Variants in NFIB observed in about 807,000 individuals in gnomAD.
NFIB encodes the protein nuclear factor I B.
In NFIB, 11 loss-of-function variants were observed where a neutral mutation model predicts 61.5. The ratio of observed to expected loss-of-function variants is 0.18; its 90% CI spans 0.11 to 0.30. The LOEUF (loss-of-function observed/expected upper bound fraction) is 0.30. Ranked by LOEUF, NFIB falls within the 10% of genes least tolerant of loss-of-function variation. The pLI is 1.00. For missense variants in NFIB, 471 were observed against 608.9 expected, an observed-to-expected ratio of 0.77 and a Z score of 2.38; for synonymous variants, 260 against 216.5, an observed-to-expected ratio of 1.20 and a Z score of -1.76.
rs2060888270 is a variant in NFIB, at chr9:14,336,587, T to C, written c.109-29067A>G. Among the ~76,000 whole-genome samples the C allele has an allele frequency of 2.6e-5, 4 of 152,332 alleles. No homozygotes were observed. In the South Asian group the frequency reaches 8.3e-4, roughly 32 times the overall value. ...TATAATCTCACTTCTAGAGATATGC[T>C]CTGAAGCTGCGGTCCATAAGCCTTT... On this transcript the variant is annotated intron_variant, in intron 1 of 8. Coordinates refer to the NFIB transcript ENST00000380934.
chr9:14,312,769 C>T (rs562724112), intron 1 of NFIB, among the ~76,000 whole-genome samples: 1 of 152,298 alleles, frequency 6.6e-6, no homozygotes, highest in South Asian at 2.1e-4. Flanking sequence ...GCCCAAATAT[C>T]GTCAAATGAA....
chr9:14,210,743 T>G lies in NFIB; in HGVS notation c.563-30963A>C, dbSNP rs1316862812. 5.3e-5 allele frequency among the ~76,000 whole-genome samples: 8 copies of G among 152,140 alleles called. 1 individual carries two copies. The highest frequency in any genetic ancestry group is 5.2e-4 in the Admixed American group (8 of 15,274). On this transcript the variant is annotated intron_variant, in intron 2 of 10. Transcript: ENST00000380953. ...ACAATAGAAAACATCATTCACTGTT[T>G]TAATTTGTTTTGAATTTTTACTGGA...
chr9:14,150,294 A>C, intron 4 of NFIB, 29 bp from the exon 5 acceptor site: 1 of 1,612,636 alleles, frequency 6.2e-7, no homozygotes, highest in Non-Finnish European at 8.5e-7. Flanking sequence ...AAGCACTGGG[A>C]ATGACATTCG....
Position 14,135,734 on chromosome 9 carries a change from G to A in NFIB, c.926-9968C>T, listed in dbSNP as rs963169950. ...AACACTGGAAAAAATGGCAAGCTAC[G>A]TTAAGAGGAGATAAGATGTCATCTT... On this transcript the variant is annotated intron_variant, in intron 6 of 10. Coordinates refer to ENST00000380953, the MANE Select transcript of NFIB (RefSeq NM_001190737.2). Among the ~76,000 whole-genome samples, 3 of 152,048 alleles carry A rather than the reference G, an allele frequency of 2.0e-5. 1 individual carries two copies. The South Asian group carries it at 6.2e-4, about 31-fold the overall frequency.
chr9:14,516,877 T>C, the NFIB span, among the ~76,000 whole-genome samples: 2 of 152,238 alleles, frequency 1.3e-5, no homozygotes, highest in African/African-American at 2.4e-5. Flanking sequence ...TAAATCTGCA[T>C]GGTGTTGTCT....
intron 2 of NFIB, among the ~76,000 whole-genome samples, chr9:14,231,535 A>C (rs576855992): frequency 1.3e-5 from 2 of 152,306 alleles, no homozygotes; most frequent in African/African-American, 4.8e-5. Flanking sequence ...CATAGAAAGA[A>C]AAGTGCTAAG....
At chr9:14,387,590 T>G (rs552950030) in intron 1 of NFIB, among the ~76,000 whole-genome samples, 1 of 152,190 alleles carries the variant, frequency 6.6e-6, no homozygotes, top group Non-Finnish European at 1.5e-5. Flanking sequence ...TATAAACATA[T>G]GCCAGTAAAC....
At chr9:14,327,217 G>A (rs191366794) in intron 1 of NFIB, among the ~76,000 whole-genome samples, 4 of 152,090 alleles carry the variant, frequency 2.6e-5, no homozygotes, top group Non-Finnish European at 5.9e-5. Context: ...TATAGTCCTG[G>A]CAAAAGACCA....
At chr9:14,412,562 A>G in the NFIB span, among the ~76,000 whole-genome samples, 1 of 152,262 alleles carries the variant, frequency 6.6e-6, no homozygotes, top group East Asian at 1.9e-4. Context: ...CAAATTCCCC[A>G]TGAGTCAAGT....
the NFIB span, among the ~76,000 whole-genome samples, chr9:14,450,091 T>C: frequency 6.6e-6 from 1 of 152,022 alleles, no homozygotes; most frequent in African/African-American, 2.4e-5. Context: ...TTTACATTAG[T>C]TATTTCTCTT....
chr9:14,204,736 C>T lies in NFIB; in HGVS notation c.563-24956G>A, dbSNP rs73413860. ...TGATTGCATACAACATGGATCCCAT[C>T]GAGCTGGTTGTGTTCCTGCCTGCCC... On this transcript the variant is annotated intron_variant, in intron 2 of 10. Coordinates refer to ENST00000380953, the MANE Select transcript of NFIB (RefSeq NM_001190737.2). 4,275 of 577,330 alleles carry T rather than the reference C, an allele frequency of 7.4e-3. 118 individuals are homozygous for T. The highest frequency in any genetic ancestry group is 0.067 in the African/African-American group (3,550 of 53,328). 35.8% of individuals were successfully genotyped at this position (577,330 alleles called of 1,614,324 possible).
chr9:14,465,608 C>T, the NFIB span, among the ~76,000 whole-genome samples: 2 of 151,116 alleles, frequency 1.3e-5, no homozygotes, highest in Non-Finnish European at 2.9e-5. Context: ...CACACACACA[C>T]GCCCTACCCC....
the NFIB span, among the ~76,000 whole-genome samples, chr9:14,431,644 T>G: frequency 1.3e-5 from 2 of 151,910 alleles, no homozygotes; most frequent in African/African-American, 4.8e-5. Flanking sequence ...TTTTTTTTTT[T>G]TTTTACTGTG....
chr9:14,468,070 A>T, the NFIB span, among the ~76,000 whole-genome samples: 1 of 152,234 alleles, frequency 6.6e-6, no homozygotes, highest in African/African-American at 2.4e-5. Flanking sequence ...TTATGTGCAG[A>T]AATTATCCCT....
At chr9:14,408,658 C>T in the NFIB span, among the ~76,000 whole-genome samples, 17 of 151,886 alleles carry the variant, frequency 1.1e-4, no homozygotes, top group South Asian at 6.2e-4. Context: ...ATGGGTACAA[C>T]GAAAGTTGGA....
intron 2 of NFIB, among the ~76,000 whole-genome samples, chr9:14,216,515 TCTCTCTCTCTCTCTCTCTCTCTCTCTCC>T (rs1441494833): frequency 0.19 from 3,303 of 17,376 alleles, 79 homozygotes; most frequent in Admixed American, 0.32. Flanking sequence ...TCTCTCTCTC[TCTCTCTCTCTCTCTCTCTCTCTCTCTCC>T]CTCTGTGTGT....
chr9:14,419,963 A>C, the NFIB span, among the ~76,000 whole-genome samples: 1 of 152,164 alleles, frequency 6.6e-6, no homozygotes, highest in South Asian at 2.1e-4. Context: ...TCCTGGAGAG[A>C]GGAAGGAAAT....
chr9:14,471,250 T>C, the NFIB span, among the ~76,000 whole-genome samples: 1 of 152,214 alleles, frequency 6.6e-6, no homozygotes, highest in African/African-American at 2.4e-5. Flanking sequence ...ACATCACTGA[T>C]GTTACGCATG....
At chr9:14,266,856 GATTT>G (rs1327982196) in intron 2 of NFIB, among the ~76,000 whole-genome samples, 3 of 151,950 alleles carry the variant, frequency 2.0e-5, no homozygotes, top group African/African-American at 4.8e-5. Flanking sequence ...GATTTTTATT[GATTT>G]ATTATTACAA....
Sources: allele counts gnomAD v4.1 joint callset (sites outside exome capture counted in the v4.1 genomes callset), GRCh38; gene constraint gnomAD v4.1.1; transcripts MANE v1.5; gene names NCBI Gene and HGNC (gene_info 2026-07-23, HGNC 2026-07-21).